The following GPR107 variants were observed in gnomAD, a reference collection of about 807,000 sequenced individuals.
The protein encoded by GPR107 is protein GPR107.
GPR107 carries 31 observed loss-of-function variants against 75.5 expected under a neutral mutation model. The ratio of observed to expected loss-of-function variants is 0.41; its 90% CI spans 0.31 to 0.55. The LOEUF (loss-of-function observed/expected upper bound fraction) is 0.55. Among genes scored for constraint, GPR107 ranks in the 20% least tolerant of loss-of-function variants. GPR107 has a pLI of 0.26. For missense variants in GPR107, 572 were observed against 665.7 expected (o/e 0.86, Z 1.55); for synonymous variants, 267 against 251.3 (o/e 1.06, Z -0.59).
At chr9:130,108,958 T>C (rs925558344) in intron 14 of GPR107, 7 of 300,896 alleles carry the variant, frequency 2.3e-5, no homozygotes, top group Admixed American at 9.9e-5. Context: ...AGGTAGGAAG[T>C]ACAAATCCAC....
chr9:130,108,389 A>G (rs763212048), intron 14 of GPR107, among the ~76,000 whole-genome samples: 1 of 152,262 alleles, frequency 6.6e-6, no homozygotes, highest in Admixed American at 6.5e-5. Context: ...AATTCGGAAA[A>G]TGCATAGTAG....
At chr9:130,120,341 G>A (rs1486499647) in intron 14 of GPR107, among the ~76,000 whole-genome samples, 1 of 152,186 alleles carries the variant, frequency 6.6e-6, no homozygotes, top group Admixed American at 6.5e-5. Context: ...GAGCCTGGAG[G>A]ATGTGACGTG....
chr9:130,060,209 C>T (rs186679985), intron 1 of GPR107, among the ~76,000 whole-genome samples: 6 of 151,802 alleles, frequency 4.0e-5, no homozygotes, highest in African/African-American at 1.5e-4. Context: ...ATTACAGGCA[C>T]CCACCACTAC....
rs553189034 is a variant in GPR107 at position 130,107,662 on chromosome 9, G to A, written c.1306+123G>A. On this transcript the variant is annotated intron_variant, in intron 14 of 17. Coordinates refer to ENST00000347136, the MANE Select transcript of GPR107 (RefSeq NM_020960.5). ...GCTGTCTTCCTGGGAGGAGAGCTAG[G>A]GGAGGCCTGGGGCCCACTTCGTGAG... 132 of 760,534 alleles carry A rather than the reference G, an allele frequency of 1.7e-4. No homozygotes were observed. The East Asian group carries it at 3.3e-3, about 19-fold the overall frequency. 47.1% of individuals were successfully genotyped at this position (760,534 alleles called of 1,614,324 possible). A position where few individuals can be genotyped will look rare whatever the true frequency, so the allele number is the denominator to read the frequency against.
chr9:130,069,935 G>A lies in GPR107; in HGVS notation c.142-5701G>A, dbSNP rs537611668. ...TGACCTAAGGGTATCTGCCCACCTT[G>A]GCCTCCCATCGTGCTGAGATTACAG... On this transcript the variant is annotated intron_variant, in intron 1 of 17. Transcript: ENST00000347136. 1.9e-4 allele frequency among the ~76,000 whole-genome samples: 28 copies of A among 147,202 alleles called. No homozygotes were observed. The East Asian group carries it at 5.4e-3, about 28-fold the overall frequency.
chr9:130,118,547 G>A (rs1193421961), intron 14 of GPR107, among the ~76,000 whole-genome samples: 1 of 152,076 alleles, frequency 6.6e-6, no homozygotes, highest in South Asian at 2.1e-4. Context: ...TACCAGAATC[G>A]AGTGTCATGG....
chr9:130,097,146 C>CTTTTCTTTCTTTTT (rs1564673041), intron 9 of GPR107, among the ~76,000 whole-genome samples: 1 of 50,982 alleles, frequency 2.0e-5, no homozygotes, highest in Non-Finnish European at 4.7e-5. Flanking sequence ...CTTTACTTTT[C>CTTTTCTTTCTTTTT]TTTTTTTTCT....
intron 7 of GPR107, among the ~76,000 whole-genome samples, chr9:130,089,737 T>C (rs1363659839): frequency 6.6e-6 from 1 of 152,252 alleles, no homozygotes; most frequent in East Asian, 1.9e-4. Context: ...AGTTTTCTTA[T>C]TCTGGCTAGC....
chr9:130,053,945 G>C lies in GPR107; in HGVS notation c.13G>C (p.Ala5Pro). 6.4e-7 allele frequency: 1 copy of C among 1,556,424 alleles called. No homozygotes were observed. Among genetic ancestry groups the C allele is most frequent in the Non-Finnish European group, 8.7e-7 (1 of 1,151,818 alleles). The part of the protein sequence containing the change: MAAL[A>P]PVGSPASRGP... Reference sequence around the variant, plus strand: ...TGCTGGAACAAACATGGCCGCTCTGGCGCCCGTCGGCTCCCCCGCCTCCCG... The same window carrying C: ...TGCTGGAACAAACATGGCCGCTCTGCCGCCCGTCGGCTCCCCCGCCTCCCG... The change falls in exon 1 of 18, where the codon GCG becomes CCG. Residue 5 changes from alanine to proline, a missense_variant. Transcript: ENST00000347136.
chr9:130,080,073 A>G (rs2041454), intron 5 of GPR107, among the ~76,000 whole-genome samples: 149,911 of 152,320 alleles, frequency 0.98, 73,783 homozygotes, highest in East Asian at 1. Flanking sequence ...AATTTTATAT[A>G]CATGCCTGAT....
intron 1 of GPR107, among the ~76,000 whole-genome samples, chr9:130,058,766 A>T (rs1279414993): frequency 2.0e-5 from 3 of 152,164 alleles, no homozygotes; most frequent in Non-Finnish European, 4.4e-5. Flanking sequence ...CGCCCGGCCG[A>T]TAGGTAGGCT....
intron 1 of GPR107, among the ~76,000 whole-genome samples, chr9:130,056,924 C>CAAAAAAAAAAAAAAAAAAA (rs11442007): frequency 1.9e-4 from 8 of 42,896 alleles, no homozygotes; most frequent in African/African-American, 8.1e-4. Flanking sequence ...GACTCCTTCT[C>CAAAAAAAAAAAAAAAAAAA]AAAAAAAAAA....
intron 14 of GPR107, among the ~76,000 whole-genome samples, chr9:130,123,000 A>C (rs2132645691): frequency 1.3e-5 from 2 of 152,256 alleles, no homozygotes; most frequent in South Asian, 2.1e-4. Context: ...CTCAAAAAAA[A>C]CAACAACAAA....
At chr9:130,081,211 A>G (rs751825557) in intron 5 of GPR107, among the ~76,000 whole-genome samples, 5 of 152,032 alleles carry the variant, frequency 3.3e-5, no homozygotes, top group Non-Finnish European at 7.4e-5. Context: ...TCTCCGAAAT[A>G]AATACATACA....
intron 13 of GPR107, among the ~76,000 whole-genome samples, chr9:130,104,794 C>T (rs1589515777): frequency 6.6e-6 from 1 of 152,146 alleles, no homozygotes; most frequent in East Asian, 1.9e-4. Flanking sequence ...AGTTCTAAGA[C>T]AATAGAGAGG....
chr9:130,056,992 C>T (rs1028024655), intron 1 of GPR107, among the ~76,000 whole-genome samples: 28 of 147,514 alleles, frequency 1.9e-4, no homozygotes, highest in African/African-American at 7.0e-4. Flanking sequence ...TCAAAGCCAT[C>T]CTGGGCCGCA....
chr9:130,097,116 A>G (rs952005225), intron 9 of GPR107, among the ~76,000 whole-genome samples: 1 of 150,874 alleles, frequency 6.6e-6, no homozygotes, highest in Non-Finnish European at 1.5e-5. Flanking sequence ...ACACTGTGCC[A>G]TGGGTAGTTA....
At chr9:130,125,505 G>A (rs767673911) in intron 15 of GPR107, among the ~76,000 whole-genome samples, 2 of 151,404 alleles carry the variant, frequency 1.3e-5, no homozygotes, top group Non-Finnish European at 2.9e-5. Flanking sequence ...CACCTGAGTA[G>A]CTGGGACTGC....
chr9:130,062,954 T>C (rs1829968315), intron 1 of GPR107, among the ~76,000 whole-genome samples: 1 of 152,142 alleles, frequency 6.6e-6, no homozygotes, highest in Admixed American at 6.6e-5. Flanking sequence ...GGTCTTGAAC[T>C]CCTGGTCTCA....
Sources: gnomAD v4.1 joint callset for allele counts (sites outside exome capture counted in the v4.1 genomes callset) on GRCh38, gnomAD v4.1.1 for gene constraint, MANE v1.5 for transcripts, NCBI Gene and HGNC (gene_info 2026-07-23, HGNC 2026-07-21) for gene names.